IZUMO4: variants seen among roughly 807,000 people sequenced by gnomAD.
IZUMO4 encodes the protein izumo sperm-egg fusion protein 4.
A neutral mutation model predicts 37.1 loss-of-function variants in IZUMO4; 51 were observed. The ratio of observed to expected loss-of-function variants is 1.38; its 90% CI spans 1.10 to 1.74. The LOEUF is 1.74. Ranked by LOEUF, IZUMO4 falls within the 40% of genes most tolerant of loss-of-function variation. The pLI, the probability that IZUMO4 is intolerant of heterozygous loss-of-function variation, is 0.00. For missense variants in IZUMO4, 364 were observed against 299.6 expected (o/e 1.21, Z -1.59); for synonymous variants, 162 against 121.4 (o/e 1.33, Z -2.20).
Position 2,099,045 on chromosome 19 carries a change from A to C in IZUMO4, c.608+16A>C, listed in dbSNP as rs2017822763. The C allele has an allele frequency of 1.2e-6, 2 of 1,611,710 alleles. No individual in the cohort carries two copies. The highest frequency in any genetic ancestry group is 1.7e-6 in the Non-Finnish European group (2 of 1,178,846). ...CCCCGGCCTTGTGAGTGACCCAGAG[A>C]AGGGAGGCCTCGGGAGAAGGGGTGC... is the stretch of plus-strand genomic sequence containing the variant. On this transcript the variant is annotated intron_variant, in intron 9 of 9. Coordinates refer to ENST00000395301, the MANE Select transcript of IZUMO4 (RefSeq NM_001039846.2).
In IZUMO4 at chr19:2,099,495, G is replaced by A. The variant is rs558370511; in HGVS notation, c.*150G>A. On this transcript the variant is annotated 3_prime_UTR_variant, in exon 10 of 10. Transcript: ENST00000395301. ...GCTGGCCAGGGCCAGGAGGGCGGGA[G>A]GGAGGGAATGGGGGTGGGCTGTGCG... The A allele has an allele frequency of 3.4e-6, 2 of 580,952 alleles. No homozygotes were observed. Among genetic ancestry groups the A allele is most frequent in the East Asian group, 3.1e-5 (1 of 32,048 alleles). 36.0% of individuals were successfully genotyped at this position (580,952 alleles called of 1,614,324 possible). A position where few individuals can be genotyped will look rare whatever the true frequency, so the allele number is the denominator to read the frequency against.
At chr19:2,098,015 C>T (rs1200037323) in intron 4 of IZUMO4, 37 bp from the exon 5 acceptor site, 2 of 1,613,062 alleles carry the variant, frequency 1.2e-6, no homozygotes, top group African/African-American at 2.7e-5. Context: ...GCCCTGGAGG[C>T]TGAGGGGAGC....
rs750130273 is a variant in IZUMO4, at chr19:2,098,774, C to T, written c.537-13C>T. 2 of 1,604,484 alleles carry T rather than the reference C, an allele frequency of 1.2e-6. No individual in the cohort carries two copies. Among genetic ancestry groups the T allele is most frequent in the African/African-American group, 1.3e-5 (1 of 74,482 alleles). ...CCCCATGGAGGGGCTGACTGCCCCA[C>T]ATTGCCTTTCAGACAGGACACGAGC... On this transcript the variant is annotated splice_polypyrimidine_tract_variant and intron_variant, in intron 7 of 9. Coordinates refer to ENST00000395301, the MANE Select transcript of IZUMO4 (RefSeq NM_001039846.2).
Position 2,098,211 on chromosome 19 carries a change from C to T in IZUMO4, c.474-76C>T. 1.9e-6 allele frequency: 3 copies of T among 1,611,598 alleles called. No individual in the cohort carries two copies. In the South Asian group the frequency reaches 3.3e-5, roughly 18 times the overall value. ...GCTCTCCTTGGAGGGGGCTCCCCGC[C>T]TTCCACCTGGCTGTCATCGGGTAGG... On this transcript the variant is annotated intron_variant, in intron 5 of 9. Coordinates refer to ENST00000395301, the MANE Select transcript of IZUMO4 (RefSeq NM_001039846.2).
chr19:2,098,051 G>C lies in IZUMO4; in HGVS notation c.398-1G>C. 1 of 1,613,412 alleles carries C rather than the reference G, an allele frequency of 6.2e-7. No individual in the cohort carries two copies. Among genetic ancestry groups the C allele is most frequent in the South Asian group, 1.1e-5 (1 of 91,090 alleles). Reference sequence around the variant, plus strand: ...CCTGGCGGCTCTTGTACGTGTTTCAGGCATCTTCCAGTACGAGACCATCTC... The same window carrying C: ...CCTGGCGGCTCTTGTACGTGTTTCACGCATCTTCCAGTACGAGACCATCTC... On this transcript the variant is annotated splice_acceptor_variant, in intron 4 of 9. Coordinates refer to ENST00000395301, the MANE Select transcript of IZUMO4 (RefSeq NM_001039846.2). LOFTEE classifies it high-confidence loss of function.
Position 2,097,062 on chromosome 19 carries a change from G to A in IZUMO4, c.117G>A (p.Lys39=), listed in dbSNP as rs1229501032. ...TCTACCGCCACCATGTGAACTTCAA[G>A]TCCTGGTGGGTGGGCGACATCCCCG... The part of the protein sequence containing the change: ...FSFYRHHVNF[K]SWWVGDIPVS... Residue 39 remains lysine, a synonymous_variant, in exon 1 of 10, where the codon AAG becomes AAA. Transcript: ENST00000395301. 2 of 1,612,718 alleles carry A rather than the reference G, an allele frequency of 1.2e-6. No homozygotes were observed. Among genetic ancestry groups the A allele is most frequent in the East Asian group, 4.5e-5 (2 of 44,896 alleles).
chr19:2,098,242 G>C (rs1289593539), intron 5 of IZUMO4, 45 bp from the exon 6 acceptor site: 13 of 1,613,148 alleles, frequency 8.1e-6, no homozygotes, highest in Non-Finnish European at 1.1e-5. Flanking sequence ...GTAGGGCGGG[G>C]CCGTGGGTTC....
At chr19:2,098,533 TC>T in intron 7 of IZUMO4, 83 bp downstream of exon 7, 1 of 1,608,266 alleles carries the variant, frequency 6.2e-7, no homozygotes, top group Non-Finnish European at 8.5e-7. Context: ...ACAGGCTGGC[TC>T]CCTCAGCTCC....
In IZUMO4 at chr19:2,098,039, G is replaced by T. The variant is rs777775783; in HGVS notation, c.398-13G>T. The T allele has an allele frequency of 1.9e-6, 3 of 1,613,346 alleles. No individual in the cohort carries two copies. The highest frequency in any genetic ancestry group is 2.2e-5 in the East Asian group (1 of 44,890). Reference sequence around the variant, plus strand: ...GCTGAGGGGAGCCCTGGCGGCTCTTGTACGTGTTTCAGGCATCTTCCAGTA... The same window carrying T: ...GCTGAGGGGAGCCCTGGCGGCTCTTTTACGTGTTTCAGGCATCTTCCAGTA... On this transcript the variant is annotated splice_polypyrimidine_tract_variant and intron_variant, in intron 4 of 9. Coordinates refer to ENST00000395301, the MANE Select transcript of IZUMO4 (RefSeq NM_001039846.2).
At position 2,096,977 on chromosome 19, in the gene IZUMO4, C is replaced by T. The variant is rs759795820; in HGVS notation, c.32C>T (p.Thr11Met). 12 of 1,608,578 alleles carry T rather than the reference C, an allele frequency of 7.5e-6. No individual in the cohort carries two copies. Among genetic ancestry groups the T allele is most frequent in the Admixed American group, 5.0e-5 (3 of 60,000 alleles). The change falls in exon 1 of 10, where the codon ACG becomes ATG. Residue 11 changes from threonine to methionine, a missense_variant. By Grantham distance (81) the Thr-to-Met change is moderately conservative. Transcript: ENST00000395301. ...CTGCTGCTGTGCCTGGTGTGCCTGACGGCGGCGCTGGCCCACGGCTGTCTG... is the reference window on the plus strand; with the variant it reads ...CTGCTGCTGTGCCTGGTGTGCCTGATGGCGGCGCTGGCCCACGGCTGTCTG... MALLLCLVCL[T>M]AALAHGCLHC...
At chr19:2,098,378 G>A in intron 6 of IZUMO4, 44 bp downstream of exon 6, 4 of 1,614,036 alleles carry the variant, frequency 2.5e-6, no homozygotes, top group Non-Finnish European at 2.5e-6. Context: ...CTGGGCCTGG[G>A]AGGGAACACT....
At position 2,097,120 on chromosome 19, in the gene IZUMO4, G is replaced by A. The variant is rs1309716214; in HGVS notation, c.175G>A (p.Asp59Asn). 6.2e-7 allele frequency: 1 copy of A among 1,612,482 alleles called. No homozygotes were observed. Among genetic ancestry groups the A allele is most frequent in the Middle Eastern group, 1.7e-4 (1 of 6,060 alleles). ...GGCGCTGCTCACCGACTGGAGCGAC[G>A]ACACGATGAAGGAGCTGCACCTGGC... Reference protein sequence around the residue: ...SGALLTDWSDDTMKELHLAIP... With the variant: ...SGALLTDWSDNTMKELHLAIP... Residue 59 changes from aspartate to asparagine, a missense_variant, in exon 1 of 10, where the codon GAC becomes AAC. By Grantham distance (23) the Asp-to-Asn change is conservative. Transcript: ENST00000395301.
At chr19:2,098,938 C>A (rs367643794) in intron 8 of IZUMO4, 38 bp from the exon 9 acceptor site, 24 of 1,609,168 alleles carry the variant, frequency 1.5e-5, no homozygotes, top group African/African-American at 1.3e-5. Context: ...CTGGATGTCA[C>A]CTCTGCAACC....
Position 2,098,418 on chromosome 19 carries a change from A to T in IZUMO4, c.522-18A>T, listed in dbSNP as rs768709675. 1.2e-6 allele frequency: 2 copies of T among 1,613,988 alleles called. No individual in the cohort carries two copies. The highest frequency in any genetic ancestry group is 1.7e-6 in the Non-Finnish European group (2 of 1,180,010). The stretch of plus-strand genomic sequence containing the variant: ...ACGGCCACTCGGCCTCCTGAGTCCA[A>T]ACCCACTGTCTTTGTAGAAATAACT... On this transcript the variant is annotated intron_variant, in intron 6 of 9. Coordinates refer to ENST00000395301, the MANE Select transcript of IZUMO4 (RefSeq NM_001039846.2).
intron 9 of IZUMO4, 64 bp from the exon 10 acceptor site, chr19:2,099,191 C>A (rs555445055): frequency 1.3e-6 from 2 of 1,502,368 alleles, no homozygotes; most frequent in African/African-American, 1.4e-5. Flanking sequence ...AGGCCTGGGG[C>A]CCCCAGGGAG....
chr19:2,097,541 C>T, intron 3 of IZUMO4, 46 bp downstream of exon 3: 3 of 1,515,282 alleles, frequency 2.0e-6, no homozygotes, highest in South Asian at 1.1e-5. Context: ...CCCAGAGCCT[C>T]GGAGACCCAC....
chr19:2,098,403 G>A (rs372049404), intron 6 of IZUMO4, 33 bp from the exon 7 acceptor site: 44 of 1,613,970 alleles, frequency 2.7e-5, no homozygotes, highest in African/African-American at 2.3e-4. Flanking sequence ...ACGGCCACTC[G>A]GCCTCCTGAG....
In IZUMO4 at chr19:2,097,968, C is replaced by G; in HGVS notation, c.397+13C>G. The G allele has an allele frequency of 6.2e-7, 1 of 1,613,232 alleles. No homozygotes were observed. The highest frequency in any genetic ancestry group is 1.3e-5 in the African/African-American group (1 of 75,066). ...CAGCACCGCTGTGGTAAGCAAGGCTCCGTCCAGGCTGAGGGGCGTGCCGGT... is the reference window on the plus strand; with the variant it reads ...CAGCACCGCTGTGGTAAGCAAGGCTGCGTCCAGGCTGAGGGGCGTGCCGGT... On this transcript the variant is annotated intron_variant, in intron 4 of 9. Coordinates refer to ENST00000395301, the MANE Select transcript of IZUMO4 (RefSeq NM_001039846.2).
intron 7 of IZUMO4, 155 bp downstream of exon 7, chr19:2,098,605 C>G: frequency 6.3e-7 from 1 of 1,581,968 alleles, no homozygotes; most frequent in Admixed American, 1.8e-5. Context: ...CAGGAGGCGG[C>G]TGCAGTCCTT....
Sources: gnomAD v4.1 joint callset for allele counts on GRCh38, gnomAD v4.1.1 for gene constraint, MANE v1.5 for transcripts, NCBI Gene and HGNC (gene_info 2026-07-23, HGNC 2026-07-21) for gene names.